LNPK: variants seen among roughly 807,000 people sequenced by gnomAD.
LNPK encodes the protein endoplasmic reticulum junction formation protein lunapark.
In LNPK, 29 loss-of-function variants were observed where a neutral mutation model predicts 55.2. The ratio of observed to expected loss-of-function variants is 0.53; its 90% CI spans 0.39 to 0.72. The LOEUF (loss-of-function observed/expected upper bound fraction) is 0.72. Ranked by LOEUF, LNPK falls within the 30% of genes least tolerant of loss-of-function variation. The pLI is 0.00. For synonymous variants in LNPK, 162 were observed against 168.2 expected (o/e 0.96, Z 0.29); for missense variants, 467 against 494.8 (o/e 0.94, Z 0.53).
At chr2:175,932,760 T>A (rs530832556) in intron 12 of LNPK, among the ~76,000 whole-genome samples, 1 of 152,212 alleles carries the variant, frequency 6.6e-6, no homozygotes, top group Non-Finnish European at 1.5e-5. Context: ...GTTACAAACA[T>A]ACTTTTTTCA....
chr2:175,950,084 A>G (rs1293540317), intron 8 of LNPK, among the ~76,000 whole-genome samples: 1 of 152,124 alleles, frequency 6.6e-6, no homozygotes, highest in Admixed American at 6.6e-5. Flanking sequence ...GAATCTGGCA[A>G]AAAATCATAA....
At position 175,924,758 on chromosome 2, in the gene LNPK, T is replaced by C. The variant is rs780369955; in HGVS notation, c.*5209A>G. 6.6e-6 allele frequency: 1 copy of C among 151,300 alleles called. No homozygotes were observed. Among genetic ancestry groups the C allele is most frequent in the Non-Finnish European group, 1.5e-5 (1 of 68,342 alleles). 9.4% of individuals were successfully genotyped at this position (151,300 alleles called of 1,614,324 possible). ...AGTTCTGCAGGCTGTACTAGAAGCATGGTGCCAGCCTCTGCTTGGCTTCTG... is the reference window on the plus strand; with the variant it reads ...AGTTCTGCAGGCTGTACTAGAAGCACGGTGCCAGCCTCTGCTTGGCTTCTG... On this transcript the variant is annotated 3_prime_UTR_variant, in exon 13 of 13. Transcript: ENST00000272748.
intron 5 of LNPK, among the ~76,000 whole-genome samples, chr2:175,977,115 A>G (rs1227257275): frequency 1.3e-5 from 2 of 152,202 alleles, no homozygotes; most frequent in Non-Finnish European, 1.5e-5. Flanking sequence ...GGAAATGTCA[A>G]TTACACAGTT....
At chr2:175,988,968 G>C (rs182363553) in intron 4 of LNPK, among the ~76,000 whole-genome samples, 1 of 152,138 alleles carries the variant, frequency 6.6e-6, no homozygotes, top group Non-Finnish European at 1.5e-5. Flanking sequence ...GTAGAGATGG[G>C]GTTTTACCGT....
chr2:175,930,055 G>C lies in LNPK; in HGVS notation c.1199C>G (p.Ala400Gly), dbSNP rs571103855. 309 of 1,613,990 alleles carry C rather than the reference G, an allele frequency of 1.9e-4. 8 individuals are homozygous for C. In the South Asian group the frequency reaches 3.3e-3, roughly 17 times the overall value. ...TGTGGAGTTGGTTTCAATCACTGAG[G>C]CTTCCTCATTCTCAGTCTCTTGTTT... ...EEKQETENEEASVIETNSTVP... is the reference protein window; with the variant it reads ...EEKQETENEEGSVIETNSTVP... The change falls in exon 13 of 13, where the codon GCC (alanine) becomes GGC (glycine). Residue 400 changes from alanine (A) to glycine (G), a missense_variant. Coordinates refer to ENST00000272748, the MANE Select transcript of LNPK (RefSeq NM_030650.3).
chr2:175,941,754 G>C (rs1684851191), intron 9 of LNPK, among the ~76,000 whole-genome samples: 1 of 131,350 alleles, frequency 7.6e-6, no homozygotes, highest in Non-Finnish European at 1.5e-5. Context: ...TTGTGCCACT[G>C]CACTCCAGAC....
intron 8 of LNPK, among the ~76,000 whole-genome samples, chr2:175,950,447 C>T (rs147214740): frequency 1.0e-3 from 155 of 152,080 alleles, no homozygotes; most frequent in African/African-American, 3.3e-3. Context: ...TTTGAGGTGA[C>T]AGATATCCCA....
At chr2:175,964,350 C>G (rs1254214522) in intron 8 of LNPK, 22 bp downstream of exon 8, 1 of 1,602,302 alleles carries the variant, frequency 6.2e-7, no homozygotes, top group East Asian at 2.2e-5. Flanking sequence ...ACAGCAGCAG[C>G]AGTTTCTACT....
chr2:175,964,990 A>T (rs1686256554), intron 6 of LNPK, among the ~76,000 whole-genome samples: 1 of 152,218 alleles, frequency 6.6e-6, no homozygotes, highest in Non-Finnish European at 1.5e-5. Context: ...GTCGTTAGCC[A>T]AGAGCTTTAC....
intron 1 of LNPK, among the ~76,000 whole-genome samples, chr2:175,998,097 A>T (rs73030695): frequency 0.017 from 2,636 of 152,116 alleles, 71 homozygotes; most frequent in African/African-American, 0.06. Flanking sequence ...CCATTTTACA[A>T]ATGAGAAATC....
chr2:175,929,771 T>C lies in LNPK; in HGVS notation c.*196A>G, dbSNP rs1034718241. The C allele has an allele frequency of 1.1e-5, 16 of 1,415,938 alleles. No individual in the cohort carries two copies. Among genetic ancestry groups the C allele is most frequent in the Non-Finnish European group, 1.3e-5 (14 of 1,089,818 alleles). 87.7% of individuals were successfully genotyped at this position (1,415,938 alleles called of 1,614,324 possible). A position where few individuals can be genotyped will look rare whatever the true frequency, so the allele number is the denominator to read the frequency against. On this transcript the variant is annotated 3_prime_UTR_variant, in exon 13 of 13. Transcript: ENST00000272748. Reference sequence around the variant, plus strand: ...TTTGTACATTCAAAAGGATCTTACTTCACTGATATAACTTGCTTTTAATTT... The same window carrying C: ...TTTGTACATTCAAAAGGATCTTACTCCACTGATATAACTTGCTTTTAATTT...
intron 5 of LNPK, among the ~76,000 whole-genome samples, chr2:175,978,607 G>C (rs554869934): frequency 1.3e-5 from 2 of 152,220 alleles, no homozygotes; most frequent in African/African-American, 4.8e-5. Flanking sequence ...AGAAAAAGGT[G>C]AATTTACTGG....
At chr2:175,962,047 T>A (rs1201794113) in intron 8 of LNPK, among the ~76,000 whole-genome samples, 2 of 151,972 alleles carry the variant, frequency 1.3e-5, no homozygotes, top group Non-Finnish European at 2.9e-5. Flanking sequence ...CTCAACGAAA[T>A]AAAAGAGGAC....
intron 9 of LNPK, among the ~76,000 whole-genome samples, chr2:175,944,100 T>C (rs533939002): frequency 6.6e-6 from 1 of 152,068 alleles, no homozygotes; most frequent in Non-Finnish European, 1.5e-5. Context: ...ACAAGAGCAA[T>C]ATACAAAAAT....
intron 4 of LNPK, among the ~76,000 whole-genome samples, chr2:175,990,208 G>A (rs1172142749): frequency 1.3e-5 from 2 of 152,192 alleles, no homozygotes; most frequent in African/African-American, 4.8e-5. Context: ...AGTTGTTTGG[G>A]TCATGGGGGC....
chr2:175,965,479 C>A (rs759296829), intron 6 of LNPK, among the ~76,000 whole-genome samples: 2 of 152,060 alleles, frequency 1.3e-5, no homozygotes, highest in Non-Finnish European at 2.9e-5. Flanking sequence ...GGAAAAGAAC[C>A]TTTTCTTTCT....
intron 12 of LNPK, among the ~76,000 whole-genome samples, chr2:175,932,890 C>T (rs1270813913): frequency 6.6e-6 from 1 of 152,084 alleles, no homozygotes; most frequent in Non-Finnish European, 1.5e-5. Flanking sequence ...AATATTTGGG[C>T]ATAAAATACT....
At chr2:175,966,881 T>C (rs547941188) in intron 6 of LNPK, among the ~76,000 whole-genome samples, 22 of 152,326 alleles carry the variant, frequency 1.4e-4, no homozygotes, top group Admixed American at 6.5e-4. Flanking sequence ...TACTGTGCAA[T>C]TTAAAAAAAT....
At position 175,949,737 on chromosome 2, in the gene LNPK, G is replaced by A. The variant is rs193142325; in HGVS notation, c.494-2045C>T. Among the ~76,000 whole-genome samples the A allele has an allele frequency of 7.7e-4, 117 of 152,070 alleles. No homozygotes were observed. The East Asian group carries it at 0.021, about 27-fold the overall frequency. On this transcript the variant is annotated intron_variant, in intron 8 of 12. Transcript: ENST00000272748. Reference sequence around the variant, plus strand: ...ATTCTAAATCTAAATTTAGGAAAAGGGGGAAAATGTTATAGCAGAGTTACA... The same window carrying A: ...ATTCTAAATCTAAATTTAGGAAAAGAGGGAAAATGTTATAGCAGAGTTACA...
Sources: allele counts gnomAD v4.1 joint callset (sites outside exome capture counted in the v4.1 genomes callset), GRCh38; gene constraint gnomAD v4.1.1; transcripts MANE v1.5; gene names NCBI Gene and HGNC (gene_info 2026-07-23, HGNC 2026-07-21).